The following UCHL3 variants were observed in gnomAD, a reference collection of about 807,000 sequenced individuals.
The protein encoded by UCHL3 is ubiquitin C-terminal hydrolase L3.
In UCHL3, 22 loss-of-function variants were observed where a neutral mutation model predicts 35.8. That is an observed-to-expected ratio of 0.61 (90% CI 0.44 to 0.88). The LOEUF is 0.88. Among genes scored for constraint, UCHL3 ranks in the 40% least tolerant of loss-of-function variants. The pLI, the probability that UCHL3 is intolerant of heterozygous loss-of-function variation, is 0.00. For synonymous variants in UCHL3, 90 were observed against 92.8 expected, an observed-to-expected ratio of 0.97 and a Z score of 0.17; for missense variants, 229 against 276.9, an observed-to-expected ratio of 0.83 and a Z score of 1.23.
intron 6 of UCHL3, among the ~76,000 whole-genome samples, chr13:75,581,516 ATTT>A (rs11330521): frequency 2.9e-4 from 32 of 109,396 alleles, no homozygotes; most frequent in Non-Finnish European, 3.1e-4. Flanking sequence ...CACCTGGCTA[ATTT>A]TTTTTTTTTT....
chr13:75,576,029 G>C (rs9593099), intron 6 of UCHL3, among the ~76,000 whole-genome samples: 228 of 152,256 alleles, frequency 1.5e-3, no homozygotes, highest in African/African-American at 4.0e-3. Context: ...TGGCATTACA[G>C]GTGTGAGCCA....
intron 6 of UCHL3, among the ~76,000 whole-genome samples, chr13:75,572,723 CAAAA>C (rs2031900903): frequency 6.6e-6 from 1 of 152,134 alleles, no homozygotes; most frequent in Admixed American, 6.5e-5. Context: ...CCCGAGTAAA[CAAAA>C]CATATCCATT....
intron 2 of UCHL3, among the ~76,000 whole-genome samples, chr13:75,558,286 A>C (rs2031359670): frequency 6.6e-6 from 1 of 152,184 alleles, no homozygotes. Flanking sequence ...ACTAATTGGT[A>C]TCACTACAGT....
chr13:75,565,350 A>G (rs1193910170), intron 3 of UCHL3, among the ~76,000 whole-genome samples: 1 of 152,196 alleles, frequency 6.6e-6, no homozygotes, highest in East Asian at 1.9e-4. Flanking sequence ...ATTTATTCTG[A>G]TAGTGTTACT....
intron 6 of UCHL3, among the ~76,000 whole-genome samples, chr13:75,592,455 T>TATACACATATATATATATATATATATAC (rs2032531789): frequency 9.1e-6 from 1 of 109,566 alleles, no homozygotes; most frequent in African/African-American, 3.2e-5. Context: ...TATATATATA[T>TATACACATATATATATATATATATATAC]ATATATATAT....
chr13:75,594,882 G>A (rs1479996494), intron 6 of UCHL3, 33 bp from the exon 7 acceptor site: 2 of 1,525,574 alleles, frequency 1.3e-6, no homozygotes, highest in Non-Finnish European at 1.8e-6. Context: ...GACTACTAAT[G>A]TATATAATAC....
At chr13:75,563,612 T>C (rs2031587761) in intron 3 of UCHL3, among the ~76,000 whole-genome samples, 1 of 152,188 alleles carries the variant, frequency 6.6e-6, no homozygotes, top group Non-Finnish European at 1.5e-5. Flanking sequence ...ACATAGTTAC[T>C]TTTTTTGTTA....
At chr13:75,561,793 ATATGTATACG>A (rs2031505385) in intron 3 of UCHL3, among the ~76,000 whole-genome samples, 3 of 107,456 alleles carry the variant, frequency 2.8e-5, no homozygotes, top group Non-Finnish European at 4.5e-5. Context: ...GTGTGTGTAT[ATATGTATACG>A]TATACATACG....
chr13:75,550,202 A>G (rs564180996), intron 2 of UCHL3, among the ~76,000 whole-genome samples: 1 of 152,144 alleles, frequency 6.6e-6, no homozygotes, highest in Non-Finnish European at 1.5e-5. Context: ...CTCTGGTCCC[A>G]TTCTGCAGTC....
chr13:75,593,560 T>C (rs1282362933), intron 6 of UCHL3, among the ~76,000 whole-genome samples: 2 of 152,136 alleles, frequency 1.3e-5, no homozygotes, highest in African/African-American at 4.8e-5. Flanking sequence ...CCTCTGGCAT[T>C]AGAGGGGCTA....
intron 8 of UCHL3, 158 bp downstream of exon 8, chr13:75,604,985 A>G (rs2032893347): frequency 5.9e-6 from 3 of 508,566 alleles, no homozygotes; most frequent in Non-Finnish European, 9.5e-6. Context: ...AGTGTTAAAA[A>G]TCTACAACAA....
intron 5 of UCHL3, 68 bp downstream of exon 5, chr13:75,567,380 G>C: frequency 7.2e-7 from 1 of 1,396,502 alleles, no homozygotes; most frequent in Non-Finnish European, 1.0e-6. Context: ...TGTGTTTGGG[G>C]GTTTTGTCTT....
At chr13:75,597,912 T>C (rs1239347306) in intron 7 of UCHL3, among the ~76,000 whole-genome samples, 2 of 152,198 alleles carry the variant, frequency 1.3e-5, no homozygotes, top group African/African-American at 4.8e-5. Flanking sequence ...TTATTTCTCT[T>C]TTGTTATCAC....
At position 75,554,643 on chromosome 13, in the gene UCHL3, A is replaced by G. The variant is rs569587042; in HGVS notation, c.54+4656A>G. Among the ~76,000 whole-genome samples the G allele has an allele frequency of 4.6e-5, 7 of 152,290 alleles. No individual in the cohort carries two copies. In the East Asian group the frequency reaches 5.8e-4, roughly 13 times the overall value. On this transcript the variant is annotated intron_variant, in intron 2 of 8. Coordinates refer to ENST00000377595, the MANE Select transcript of UCHL3 (RefSeq NM_006002.5). ...TTTGCTTCCCTAAAATCTAATTTCC[A>G]TATGCACCCAAAGTGGCCTTAAATA...
rs147801740 is a variant in UCHL3 at position 75,596,132 on chromosome 13, A to G, written c.550+1142A>G. ...CAGATTGTGACTGTAAATGTGATCC[A>G]TAAAATTTAGGTGGATTTTGTGTTT... On this transcript the variant is annotated intron_variant, in intron 7 of 8. Transcript: ENST00000377595. Among the ~76,000 whole-genome samples the G allele has an allele frequency of 1.3e-3, 197 of 152,342 alleles. No individual in the cohort carries two copies. In the East Asian group the frequency reaches 0.014, roughly 11 times the overall value.
At chr13:75,605,363 C>T (rs1305504853) in intron 8 of UCHL3, among the ~76,000 whole-genome samples, 1 of 151,996 alleles carries the variant, frequency 6.6e-6, no homozygotes. Flanking sequence ...TAGAAATTAG[C>T]TGGGTGTGGT....
chr13:75,561,900 C>CATGCACAT (rs1338329197), intron 3 of UCHL3, among the ~76,000 whole-genome samples: 1 of 151,014 alleles, frequency 6.6e-6, no homozygotes, highest in Admixed American at 6.6e-5. Flanking sequence ...TATACACACA[C>CATGCACAT]ATGCACATAT....
At chr13:75,585,119 A>G (rs190920654) in intron 6 of UCHL3, among the ~76,000 whole-genome samples, 1 of 152,244 alleles carries the variant, frequency 6.6e-6, no homozygotes. Context: ...GTAATGGCCA[A>G]CTATTTTCCA....
Position 75,549,795 on chromosome 13 carries a change from G to A in UCHL3, c.-26G>A, listed in dbSNP as rs367636758. 3 of 1,523,066 alleles carry A rather than the reference G, an allele frequency of 2.0e-6. No individual in the cohort carries two copies. The highest frequency in any genetic ancestry group is 2.1e-5 in the Admixed American group (1 of 48,076). 94.3% of individuals were successfully genotyped at this position (1,523,066 alleles called of 1,614,324 possible). A position where few individuals can be genotyped will look rare whatever the true frequency, so the allele number is the denominator to read the frequency against. ...GCGGCGGCGAAGGCGGCGGCTGTCA[G>A]AGCTGGAGGGCCGGGCACCGCGGCC... On this transcript the variant is annotated 5_prime_UTR_variant, in exon 1 of 9. Transcript: ENST00000377595.
Sources: allele counts gnomAD v4.1 joint callset (sites outside exome capture counted in the v4.1 genomes callset), GRCh38; gene constraint gnomAD v4.1.1; transcripts MANE v1.5; gene names NCBI Gene and HGNC (gene_info 2026-07-23, HGNC 2026-07-21).